GALNT3: variants seen among roughly 807,000 people sequenced by gnomAD.
GALNT3 encodes the protein polypeptide N-acetylgalactosaminyltransferase 3.
GALNT3 carries 51 observed loss-of-function variants against 69.8 expected under a neutral mutation model. The ratio of observed to expected loss-of-function variants is 0.73; its 90% CI spans 0.58 to 0.92. The LOEUF is 0.92. Ranked by LOEUF, GALNT3 falls within the 40% of genes least tolerant of loss-of-function variation. The pLI, the probability that GALNT3 is intolerant of heterozygous loss-of-function variation, is 0.00. For missense variants in GALNT3, 711 were observed against 760.0 expected, an observed-to-expected ratio of 0.94 and a Z score of 0.76; for synonymous variants, 265 against 248.5, an observed-to-expected ratio of 1.07 and a Z score of -0.63.
At chr2:165,755,299 G>A (rs962974501) in intron 7 of GALNT3, among the ~76,000 whole-genome samples, 4 of 152,126 alleles carry the variant, frequency 2.6e-5, no homozygotes, top group African/African-American at 7.2e-5. Flanking sequence ...CTAAAATGAT[G>A]CTATTTTATT....
chr2:165,783,262 C>T (rs1683150884), intron 1 of GALNT3, among the ~76,000 whole-genome samples: 1 of 152,000 alleles, frequency 6.6e-6, no homozygotes, highest in Admixed American at 6.5e-5. Context: ...GTCTACTGGG[C>T]CTTTTCATGG....
At position 165,780,837 on chromosome 2, in the gene GALNT3, G is replaced by C. The variant is rs567786949; in HGVS notation, c.-108-10029C>G. On this transcript the variant is annotated intron_variant, in intron 1 of 10. Transcript: ENST00000392701. The stretch of plus-strand genomic sequence containing the variant: ...CAGATCTGCTCTAGTTCTGTCTCAT[G>C]TACTATTTCCACTCAATGATATATT... 8.0e-4 allele frequency among the ~76,000 whole-genome samples: 121 copies of C among 152,120 alleles called. 3 individuals carry two copies. In the South Asian group the frequency reaches 0.025, roughly 31 times the overall value.
chr2:165,753,402 C>CT (rs533037956), intron 9 of GALNT3, among the ~76,000 whole-genome samples: 305 of 145,134 alleles, frequency 2.1e-3, no homozygotes, highest in Middle Eastern at 7.1e-3. Context: ...CTCCTACCTA[C>CT]TTTTTTTTTT....
At chr2:165,788,756 A>G (rs1460395190) in intron 1 of GALNT3, among the ~76,000 whole-genome samples, 1 of 152,136 alleles carries the variant, frequency 6.6e-6, no homozygotes, top group Non-Finnish European at 1.5e-5. Context: ...AAAAAAAACA[A>G]TAAGAAGTCT....
chr2:165,780,699 T>G (rs777526219), intron 1 of GALNT3, among the ~76,000 whole-genome samples: 14 of 151,924 alleles, frequency 9.2e-5, no homozygotes, highest in Admixed American at 7.2e-4. Flanking sequence ...ACAAATGGAC[T>G]AAGGGAATCG....
intron 1 of GALNT3, among the ~76,000 whole-genome samples, chr2:165,779,067 G>A (rs958122444): frequency 2.0e-5 from 3 of 152,134 alleles, no homozygotes; most frequent in Admixed American, 6.5e-5. Flanking sequence ...TGCAGTGTGT[G>A]GGGAACACCA....
intron 3 of GALNT3, among the ~76,000 whole-genome samples, chr2:165,763,538 CA>C (rs961812583): frequency 6.6e-6 from 1 of 152,084 alleles, no homozygotes; most frequent in African/African-American, 2.4e-5. Flanking sequence ...CTAACTACCT[CA>C]GAAATAATTC....
chr2:165,786,554 C>A (rs574898775), intron 1 of GALNT3, among the ~76,000 whole-genome samples: 1 of 152,222 alleles, frequency 6.6e-6, no homozygotes, highest in South Asian at 2.1e-4. Context: ...CTTTTAATGC[C>A]TAATTCAATG....
intron 1 of GALNT3, among the ~76,000 whole-genome samples, chr2:165,785,533 A>C (rs1488868917): frequency 6.6e-6 from 1 of 152,178 alleles, no homozygotes; most frequent in African/African-American, 2.4e-5. Flanking sequence ...CTACTAACAC[A>C]TTTTTAAGAA....
chr2:165,792,550 A>T (rs1017014370), intron 1 of GALNT3, among the ~76,000 whole-genome samples: 1 of 152,178 alleles, frequency 6.6e-6, no homozygotes, highest in Admixed American at 6.5e-5. Flanking sequence ...TCTAATCTTA[A>T]AAAGAAGAAG....
chr2:165,768,578 A>G (rs1688689509), intron 2 of GALNT3, among the ~76,000 whole-genome samples: 1 of 152,222 alleles, frequency 6.6e-6, no homozygotes, highest in South Asian at 2.1e-4. Context: ...ATCAGATTAG[A>G]ATAGCTCAAC....
At chr2:165,755,468 G>A (rs1688429320) in intron 7 of GALNT3, among the ~76,000 whole-genome samples, 1 of 152,120 alleles carries the variant, frequency 6.6e-6, no homozygotes, top group Non-Finnish European at 1.5e-5. Context: ...GACAAACAGT[G>A]CCAATACACA....
At chr2:165,749,964 T>A in intron 9 of GALNT3, 70 bp from the exon 10 acceptor site, 1 of 1,316,162 alleles carries the variant, frequency 7.6e-7, no homozygotes, top group Non-Finnish European at 1.1e-6. Context: ...AATAAATAAA[T>A]CAGCAACTCG....
At chr2:165,760,822 T>A (rs1688532200) in intron 4 of GALNT3, among the ~76,000 whole-genome samples, 1 of 152,078 alleles carries the variant, frequency 6.6e-6, no homozygotes, top group African/African-American at 2.4e-5. Context: ...AACTCAGAGC[T>A]CAAGGGACAA....
At chr2:165,765,511 ATGGAGTCTCTCTCTG>A (rs2105413992) in intron 2 of GALNT3, among the ~76,000 whole-genome samples, 2 of 138,518 alleles carry the variant, frequency 1.4e-5, no homozygotes, top group East Asian at 4.2e-4. Flanking sequence ...TTTTTTTTTT[ATGGAGTCTCTCTCTG>A]TCGCCCAGGC....
chr2:165,751,507 A>G (rs925098254), intron 9 of GALNT3, among the ~76,000 whole-genome samples: 5 of 152,204 alleles, frequency 3.3e-5, no homozygotes, highest in Non-Finnish European at 7.3e-5. Flanking sequence ...AATGGTAACA[A>G]AGGCTGTCGA....
At chr2:165,789,254 C>A (rs1683293470) in intron 1 of GALNT3, among the ~76,000 whole-genome samples, 1 of 152,184 alleles carries the variant, frequency 6.6e-6, no homozygotes, top group Non-Finnish European at 1.5e-5. Context: ...GCACATCCCT[C>A]ATAGATGGCC....
chr2:165,782,230 T>C (rs1683125018), intron 1 of GALNT3, among the ~76,000 whole-genome samples: 1 of 152,136 alleles, frequency 6.6e-6, no homozygotes, highest in Admixed American at 6.6e-5. Context: ...TCTAAAGCCT[T>C]CTACTCAGCT....
At chr2:165,754,876 A>G (rs1688417930) in intron 8 of GALNT3, 56 bp downstream of exon 8, 7 of 1,583,534 alleles carry the variant, frequency 4.4e-6, no homozygotes, top group Non-Finnish European at 5.2e-6. Flanking sequence ...TTAGAACCAC[A>G]TAAAGGTTGG....
Sources: gnomAD v4.1 joint callset for allele counts (sites outside exome capture counted in the v4.1 genomes callset) on GRCh38, gnomAD v4.1.1 for gene constraint, MANE v1.5 for transcripts, NCBI Gene and HGNC (gene_info 2026-07-23, HGNC 2026-07-21) for gene names.